The following PHF21A variants were observed in gnomAD, a reference collection of about 807,000 sequenced individuals.
PHF21A encodes the protein PHD finger protein 21A.
PHF21A carries 11 observed loss-of-function variants against 82.5 expected under a neutral mutation model. That is an observed-to-expected ratio of 0.13 (90% CI 0.08 to 0.22). The LOEUF is 0.22. Ranked by LOEUF, PHF21A falls within the 10% of genes least tolerant of loss-of-function variation. PHF21A has a pLI of 1.00. For missense variants in PHF21A, 579 were observed against 837.8 expected (o/e 0.69, Z 3.81); for synonymous variants, 297 against 302.8 (o/e 0.98, Z 0.20).
chr11:45,952,362 C>A (rs1214682581), intron 11 of PHF21A, among the ~76,000 whole-genome samples: 1 of 152,208 alleles, frequency 6.6e-6, no homozygotes, highest in Non-Finnish European at 1.5e-5. Flanking sequence ...CCACCTCAGC[C>A]TCCTGGGTAG....
In PHF21A at chr11:45,971,299, C is replaced by T. The variant is rs778634866; in HGVS notation, c.429G>A (p.Ala143=). The stretch of plus-strand genomic sequence containing the variant: ...GGCCCACCACAGAGGCAGGCATGGT[C>T]GCAGTTGCTGCTTTCAAGACGAGAG... ...TLPLVLKAAT[A]TMPASVVGQR... Residue 143 remains alanine (A), a synonymous_variant, in exon 8 of 19, where the codon GCG becomes GCA. Transcript: ENST00000676320. 5.0e-6 allele frequency: 8 copies of T among 1,613,964 alleles called. No individual in the cohort carries two copies. Among genetic ancestry groups the T allele is most frequent in the Middle Eastern group, 1.6e-4 (1 of 6,080 alleles).
At chr11:45,999,772 C>T (rs2095053215) in intron 6 of PHF21A, among the ~76,000 whole-genome samples, 2 of 152,198 alleles carry the variant, frequency 1.3e-5, no homozygotes, top group Admixed American at 1.3e-4. Context: ...CTGATACCTA[C>T]ATGAGAATTT....
intron 1 of PHF21A, among the ~76,000 whole-genome samples, chr11:46,110,031 A>C (rs1350994545): frequency 1.3e-5 from 2 of 151,896 alleles, no homozygotes; most frequent in African/African-American, 4.8e-5. Context: ...TGGATCACTA[A>C]TTTTTTGGTT....
At chr11:46,071,912 C>G (rs1396204867) in intron 6 of PHF21A, among the ~76,000 whole-genome samples, 1 of 151,898 alleles carries the variant, frequency 6.6e-6, no homozygotes, top group Admixed American at 6.6e-5. Flanking sequence ...ACACACCGTT[C>G]TATAAAAAAA....
intron 6 of PHF21A, among the ~76,000 whole-genome samples, chr11:46,001,855 T>C (rs533389180): frequency 6.6e-6 from 1 of 152,316 alleles, no homozygotes; most frequent in African/African-American, 2.4e-5. Context: ...TTGGTTTCTA[T>C]GACAACCCAG....
At position 46,028,579 on chromosome 11, in the gene PHF21A, T is replaced by C. The variant is rs992888916; in HGVS notation, c.153+48175A>G. Among the ~76,000 whole-genome samples, 9 of 147,908 alleles carry C rather than the reference T, an allele frequency of 6.1e-5. No homozygotes were observed. The East Asian group carries it at 7.9e-4, about 13-fold the overall frequency. ...ATACTTTAAAAGCTTGCCTTTTTTT[T>C]TTTTTTTTTTTTGAGACAGAGTCTC... is the stretch of plus-strand genomic sequence containing the variant. On this transcript the variant is annotated intron_variant, in intron 6 of 18. Transcript: ENST00000676320.
At chr11:46,118,625 T>G (rs1435097921) in intron 1 of PHF21A, 2 of 152,224 alleles carry the variant, frequency 1.3e-5, no homozygotes, top group Non-Finnish European at 2.9e-5. Flanking sequence ...GTCCTGGGAT[T>G]TGAAAATGTA....
chr11:46,059,189 G>A lies in PHF21A; in HGVS notation c.153+17565C>T, dbSNP rs140870481. ...CGTACAAATATTTACGTCCAAGGAT[G>A]TACACTGCAGAGCTAGGCATACAAC... On this transcript the variant is annotated intron_variant, in intron 6 of 18. Transcript: ENST00000676320. Among the ~76,000 whole-genome samples, 1,050 of 152,212 alleles carry A rather than the reference G, an allele frequency of 6.9e-3. 9 individuals are homozygous for A. The highest frequency in any genetic ancestry group is 0.02 in the Middle Eastern group (6 of 294).
intron 6 of PHF21A, among the ~76,000 whole-genome samples, chr11:45,986,725 G>A (rs1565412950): frequency 1.3e-5 from 2 of 151,650 alleles, no homozygotes. Context: ...GGGGCAATGT[G>A]AAAAAAAGGG....
intron 1 of PHF21A, among the ~76,000 whole-genome samples, chr11:46,107,241 T>C (rs2135906776): frequency 6.6e-6 from 1 of 152,314 alleles, no homozygotes; most frequent in Admixed American, 6.5e-5. Context: ...TTTAAAAGTG[T>C]AGAGAGTACT....
intron 6 of PHF21A, among the ~76,000 whole-genome samples, chr11:46,039,889 G>C (rs2096090242): frequency 6.6e-6 from 1 of 152,102 alleles, no homozygotes; most frequent in African/African-American, 2.4e-5. Flanking sequence ...TTATCAATCT[G>C]TTTAGCTTTC....
At chr11:46,113,497 G>A (rs545346056) in intron 1 of PHF21A, among the ~76,000 whole-genome samples, 1 of 152,250 alleles carries the variant, frequency 6.6e-6, no homozygotes, top group Admixed American at 6.5e-5. Flanking sequence ...AGTTTGAATG[G>A]ATCCATTTCA....
intron 6 of PHF21A, among the ~76,000 whole-genome samples, chr11:45,991,393 A>C (rs1380185683): frequency 6.6e-6 from 1 of 152,170 alleles, no homozygotes; most frequent in Non-Finnish European, 1.5e-5. Flanking sequence ...TGAGTAATTA[A>C]GTGACTAAAC....
intron 9 of PHF21A, among the ~76,000 whole-genome samples, chr11:45,968,548 T>A (rs2093581219): frequency 6.6e-6 from 1 of 152,240 alleles, no homozygotes; most frequent in East Asian, 1.9e-4. Context: ...CAAAGTTTTA[T>A]CAGGCTAACT....
At chr11:46,094,304 T>C (rs1270095360) in intron 1 of PHF21A, among the ~76,000 whole-genome samples, 1 of 152,194 alleles carries the variant, frequency 6.6e-6, no homozygotes. Flanking sequence ...CATGATGTCA[T>C]GAAACTGCTC....
intron 6 of PHF21A, among the ~76,000 whole-genome samples, chr11:46,043,153 G>A (rs1357330326): frequency 3.3e-5 from 5 of 152,022 alleles, no homozygotes; most frequent in Non-Finnish European, 1.5e-5. Context: ...TCCTTTAGAG[G>A]TAAGAAATTC....
intron 6 of PHF21A, among the ~76,000 whole-genome samples, chr11:46,011,021 G>A (rs940468483): frequency 6.6e-6 from 1 of 152,064 alleles, no homozygotes; most frequent in African/African-American, 2.4e-5. Flanking sequence ...GTGATCAACA[G>A]AAAACAGGCA....
intron 6 of PHF21A, among the ~76,000 whole-genome samples, chr11:46,050,139 A>T (rs1228700416): frequency 6.6e-6 from 1 of 152,266 alleles, no homozygotes; most frequent in Non-Finnish European, 1.5e-5. Context: ...AGTTTTAGAA[A>T]GAAGAGATAC....
chr11:46,087,017 A>C (rs1226370545), intron 3 of PHF21A, among the ~76,000 whole-genome samples: 1 of 152,216 alleles, frequency 6.6e-6, no homozygotes, highest in African/African-American at 2.4e-5. Context: ...TATCAAACTG[A>C]AGACCTATAA....
Sources: gnomAD v4.1 joint callset for allele counts (sites outside exome capture counted in the v4.1 genomes callset) on GRCh38, gnomAD v4.1.1 for gene constraint, MANE v1.5 for transcripts, NCBI Gene and HGNC (gene_info 2026-07-23, HGNC 2026-07-21) for gene names.